The following GPC6 variants were observed in gnomAD, a reference collection of about 807,000 sequenced individuals.
GPC6 encodes glypican 6.
GPC6 carries 14 observed loss-of-function variants against 55.2 expected under a neutral mutation model. The observed-to-expected ratio is 0.25, with a 90% CI of 0.17 to 0.40. The LOEUF (loss-of-function observed/expected upper bound fraction) is 0.40, where lower values mean the gene tolerates loss of function less well. Ranked by LOEUF, GPC6 falls within the 10% of genes least tolerant of loss-of-function variation. GPC6 has a pLI of 1.00. For synonymous variants in GPC6, 278 were observed against 259.6 expected, an observed-to-expected ratio of 1.07 and a Z score of -0.68; for missense variants, 641 against 708.5, an observed-to-expected ratio of 0.90 and a Z score of 1.08.
At chr13:93,337,236 T>C (rs773822227) in intron 1 of GPC6, among the ~76,000 whole-genome samples, 8 of 152,216 alleles carry the variant, frequency 5.3e-5, no homozygotes, top group Non-Finnish European at 1.0e-4. Flanking sequence ...TGATTTTCTG[T>C]GCATTACATT....
intron 3 of GPC6, among the ~76,000 whole-genome samples, chr13:93,903,957 G>C (rs1876497169): frequency 6.6e-6 from 1 of 152,062 alleles, no homozygotes; most frequent in Non-Finnish European, 1.5e-5. Flanking sequence ...AACATGTCCT[G>C]TCCTTTAACA....
At chr13:93,350,588 A>T (rs1193692443) in intron 1 of GPC6, among the ~76,000 whole-genome samples, 1 of 152,184 alleles carries the variant, frequency 6.6e-6, no homozygotes, top group Non-Finnish European at 1.5e-5. Context: ...TAAAATATCA[A>T]GGTGATCTGG....
chr13:93,362,645 A>G (rs553540003), intron 1 of GPC6, among the ~76,000 whole-genome samples: 2 of 152,162 alleles, frequency 1.3e-5, no homozygotes, highest in South Asian at 4.1e-4. Context: ...ACTTATTCAC[A>G]GAGGGAGAGA....
At chr13:93,273,977 T>C (rs1261942685) in intron 1 of GPC6, among the ~76,000 whole-genome samples, 1 of 151,612 alleles carries the variant, frequency 6.6e-6, no homozygotes, top group Non-Finnish European at 1.5e-5. Context: ...CCAGCTAATT[T>C]TTGTATTTTT....
intron 6 of GPC6, among the ~76,000 whole-genome samples, chr13:94,368,724 G>T (rs1215472517): frequency 6.6e-6 from 1 of 152,144 alleles, no homozygotes; most frequent in Non-Finnish European, 1.5e-5. Flanking sequence ...TGTTTCCCGA[G>T]GGAGTGAGAG....
chr13:93,284,893 A>T (rs1878060666), intron 1 of GPC6, among the ~76,000 whole-genome samples: 1 of 152,166 alleles, frequency 6.6e-6, no homozygotes, highest in African/African-American at 2.4e-5. Flanking sequence ...AGAGGTTGTT[A>T]TATGGTCTGG....
chr13:93,431,876 T>A (rs535158527), intron 1 of GPC6, among the ~76,000 whole-genome samples: 9 of 152,312 alleles, frequency 5.9e-5, no homozygotes, highest in African/African-American at 2.2e-4. Context: ...TTCCTGTAGA[T>A]AAGAGATATA....
chr13:93,601,001 C>T (rs982118678), intron 2 of GPC6, among the ~76,000 whole-genome samples: 1 of 149,932 alleles, frequency 6.7e-6, no homozygotes, highest in Non-Finnish European at 1.5e-5. Flanking sequence ...ATTTCTACAT[C>T]CACCTATCTG....
At chr13:94,272,753 A>C (rs553366227) in intron 4 of GPC6, among the ~76,000 whole-genome samples, 329 of 151,966 alleles carry the variant, frequency 2.2e-3, no homozygotes, top group Admixed American at 2.8e-3. Flanking sequence ...CAGGCATGAG[A>C]CACCACGCCT....
intron 2 of GPC6, among the ~76,000 whole-genome samples, chr13:93,571,734 C>A (rs1279427553): frequency 6.6e-6 from 1 of 152,110 alleles, no homozygotes; most frequent in Non-Finnish European, 1.5e-5. Context: ...GTCGTGATAA[C>A]CTCTCATCCA....
intron 2 of GPC6, among the ~76,000 whole-genome samples, chr13:93,662,116 C>T (rs968954222): frequency 2.6e-5 from 4 of 152,150 alleles, no homozygotes; most frequent in African/African-American, 9.7e-5. Context: ...TCTGTTTCTG[C>T]TTTTTGGCCC....
At chr13:93,682,198 G>A (rs984103665) in intron 2 of GPC6, among the ~76,000 whole-genome samples, 1 of 152,216 alleles carries the variant, frequency 6.6e-6, no homozygotes, top group African/African-American at 2.4e-5. Context: ...ATGAAAATGC[G>A]TTTGCAGCCA....
chr13:93,654,644 G>A (rs1477929874), intron 2 of GPC6, among the ~76,000 whole-genome samples: 2 of 152,064 alleles, frequency 1.3e-5, no homozygotes, highest in Non-Finnish European at 2.9e-5. Context: ...ATAGAAGAAA[G>A]TCTATGATTT....
At chr13:93,826,423 C>T (rs1887254249) in intron 2 of GPC6, among the ~76,000 whole-genome samples, 1 of 152,062 alleles carries the variant, frequency 6.6e-6, no homozygotes, top group African/African-American at 2.4e-5. Context: ...ATGACCAAAG[C>T]TTTTCACTCC....
chr13:93,601,532 T>C (rs79649570), intron 2 of GPC6, among the ~76,000 whole-genome samples: 2,874 of 152,312 alleles, frequency 0.019, 91 homozygotes, highest in African/African-American at 0.066. Flanking sequence ...CATTCAGTTA[T>C]TATCCCTTCT....
At chr13:93,621,516 T>G (rs1254981399) in intron 2 of GPC6, among the ~76,000 whole-genome samples, 1 of 152,188 alleles carries the variant, frequency 6.6e-6, no homozygotes, top group Non-Finnish European at 1.5e-5. Flanking sequence ...TACCCCAAAC[T>G]TACCAAATCA....
chr13:93,841,453 C>T (rs1887952448), intron 3 of GPC6, among the ~76,000 whole-genome samples: 1 of 152,080 alleles, frequency 6.6e-6, no homozygotes, highest in Non-Finnish European at 1.5e-5. Flanking sequence ...CCTCTTCATC[C>T]TGATGAGTGA....
chr13:93,592,803 G>T (rs1877553259), intron 2 of GPC6, among the ~76,000 whole-genome samples: 1 of 151,924 alleles, frequency 6.6e-6, no homozygotes, highest in Non-Finnish European at 1.5e-5. Context: ...TAGAACCGTT[G>T]ATTATTTGAA....
chr13:93,466,251 A>G (rs2139321498), intron 1 of GPC6, among the ~76,000 whole-genome samples: 1 of 152,256 alleles, frequency 6.6e-6, no homozygotes, highest in South Asian at 2.1e-4. Flanking sequence ...AATAAAGTGA[A>G]GTACAATAAA....
Sources: gnomAD v4.1 joint callset for allele counts (sites outside exome capture counted in the v4.1 genomes callset) on GRCh38, gnomAD v4.1.1 for gene constraint, MANE v1.5 for transcripts, NCBI Gene and HGNC (gene_info 2026-07-23, HGNC 2026-07-21) for gene names.